Variants in DOCK10 observed in about 807,000 individuals in gnomAD.
DOCK10 encodes dedicator of cytokinesis 10.
DOCK10 carries 145 observed loss-of-function variants against 280.1 expected under a neutral mutation model. The observed-to-expected ratio is 0.52, with a 90% confidence interval of 0.45 to 0.59. The LOEUF is 0.59. Among genes scored for constraint, DOCK10 ranks in the 20% least tolerant of loss-of-function variants. The pLI is 0.00. For missense variants in DOCK10, 2,368 were observed against 2,651.7 expected (o/e 0.89, Z 2.35); for synonymous variants, 915 against 942.2 (o/e 0.97, Z 0.53).
rs115932844 is a variant in DOCK10, at chr2:224,992,313, C to T, written c.123+49939G>A. ...AGTTAAATCTAGTTTACAATAATCA[C>T]GAATTGCTTTCCAAACATGAAAATG... On this transcript the variant is annotated intron_variant, in intron 1 of 55. Coordinates refer to ENST00000258390, the MANE Select transcript of DOCK10 (RefSeq NM_014689.3). Among the ~76,000 whole-genome samples the T allele has an allele frequency of 2.2e-3, 342 of 152,276 alleles. 1 individual carries two copies. Among genetic ancestry groups the T allele is most frequent in the African/African-American group, 7.3e-3 (304 of 41,558 alleles).
At chr2:224,955,812 G>T (rs535099638) in intron 1 of DOCK10, among the ~76,000 whole-genome samples, 12 of 152,322 alleles carry the variant, frequency 7.9e-5, no homozygotes, top group African/African-American at 2.6e-4. Context: ...TAACCTCTGG[G>T]TATGTGTTCT....
intron 1 of DOCK10, among the ~76,000 whole-genome samples, chr2:225,013,544 A>C (rs781109753): frequency 4.6e-5 from 7 of 152,208 alleles, no homozygotes; most frequent in Non-Finnish European, 1.0e-4. Context: ...GATGTAGGTC[A>C]GATCACTCCA....
At chr2:224,838,353 G>A (rs1436317015) in intron 24 of DOCK10, among the ~76,000 whole-genome samples, 1 of 152,162 alleles carries the variant, frequency 6.6e-6, no homozygotes, top group South Asian at 2.1e-4. Flanking sequence ...CTGGGTTGGG[G>A]TTTCTAGCAG....
intron 1 of DOCK10, among the ~76,000 whole-genome samples, chr2:225,001,249 G>A (rs1706421525): frequency 6.6e-6 from 1 of 150,680 alleles, no homozygotes; most frequent in Non-Finnish European, 1.5e-5. Context: ...ACTTTGGTAA[G>A]TCATGAATGA....
intron 51 of DOCK10, among the ~76,000 whole-genome samples, chr2:224,777,011 T>C (rs538791025): frequency 3.1e-4 from 47 of 152,312 alleles, no homozygotes; most frequent in Admixed American, 9.1e-4. Flanking sequence ...CTTAGCCCCA[T>C]GTGAACTGTG....
chr2:224,866,998 G>A (rs1272352447), intron 11 of DOCK10, among the ~76,000 whole-genome samples: 3 of 151,706 alleles, frequency 2.0e-5, no homozygotes, highest in Non-Finnish European at 2.9e-5. Context: ...TACAAACCAC[G>A]ATCTGGGTGC....
At chr2:224,783,105 C>A (rs1394965507) in intron 50 of DOCK10, among the ~76,000 whole-genome samples, 3 of 152,138 alleles carry the variant, frequency 2.0e-5, no homozygotes, top group Non-Finnish European at 2.9e-5. Flanking sequence ...ATTTGAATCT[C>A]ATCTGAGCAA....
At chr2:224,984,128 A>C (rs925743082) in intron 1 of DOCK10, among the ~76,000 whole-genome samples, 1 of 151,402 alleles carries the variant, frequency 6.6e-6, no homozygotes, top group African/African-American at 2.4e-5. Context: ...CCCAGGACAT[A>C]TCTCTCTCCA....
In DOCK10 at chr2:224,933,342, C is replaced by T. The variant is rs190529395; in HGVS notation, c.124-1674G>A. 1.1e-3 allele frequency among the ~76,000 whole-genome samples: 163 copies of T among 152,268 alleles called. 1 individual carries two copies. Among genetic ancestry groups the T allele is most frequent in the African/African-American group, 3.5e-3 (147 of 41,544 alleles). On this transcript the variant is annotated intron_variant, in intron 1 of 55. Coordinates refer to ENST00000258390, the MANE Select transcript of DOCK10 (RefSeq NM_014689.3). ...ATTGACAGCTCAAAAGGCAAATGCA[C>T]GTTCCAGATGTTTGGTTTGCCACCC...
chr2:224,917,943 T>A (rs62186357), intron 2 of DOCK10, among the ~76,000 whole-genome samples: 35,118 of 151,936 alleles, frequency 0.23, 4,541 homozygotes, highest in Non-Finnish European at 0.28. Flanking sequence ...ATATTGCACA[T>A]CCCCCAAATC....
chr2:224,982,574 C>A (rs1705806713), intron 1 of DOCK10: 2 of 1,179,416 alleles, frequency 1.7e-6, no homozygotes, highest in Non-Finnish European at 2.1e-6. Flanking sequence ...TGAACACACT[C>A]AGGAATATTA....
chr2:224,990,369 T>C (rs584529), intron 1 of DOCK10, among the ~76,000 whole-genome samples: 96,355 of 152,040 alleles, frequency 0.63, 30,855 homozygotes, highest in Non-Finnish European at 0.63. Context: ...CCTGTTGAGC[T>C]GTTTATTAAC....
intron 1 of DOCK10, among the ~76,000 whole-genome samples, chr2:224,945,292 G>A (rs1575097776): frequency 6.6e-6 from 1 of 152,178 alleles, no homozygotes; most frequent in Non-Finnish European, 1.5e-5. Flanking sequence ...AGGCTCTTTT[G>A]GAGTCAGTAG....
intron 11 of DOCK10, among the ~76,000 whole-genome samples, chr2:224,866,515 G>T (rs571476532): frequency 6.6e-6 from 1 of 152,180 alleles, no homozygotes; most frequent in South Asian, 2.1e-4. Context: ...AATATGTTCT[G>T]AGATTACCCC....
At chr2:224,852,179 A>G (rs1696790631) in intron 18 of DOCK10, among the ~76,000 whole-genome samples, 198 bp downstream of exon 18, 1 of 152,222 alleles carries the variant, frequency 6.6e-6, no homozygotes, top group Non-Finnish European at 1.5e-5. Context: ...GTGAAAAGCT[A>G]AAAGAGCTAT....
At chr2:224,890,800 T>TG (rs1219314790) in intron 4 of DOCK10, among the ~76,000 whole-genome samples, 1 of 152,100 alleles carries the variant, frequency 6.6e-6, no homozygotes, top group Non-Finnish European at 1.5e-5. Flanking sequence ...GTTAACTCTT[T>TG]GGGGGTGATA....
At chr2:225,002,264 G>A (rs1220566033) in intron 1 of DOCK10, among the ~76,000 whole-genome samples, 1 of 152,206 alleles carries the variant, frequency 6.6e-6, no homozygotes, top group Non-Finnish European at 1.5e-5. Context: ...ATTGTGAGAA[G>A]AGGTCTGAAA....
Position 224,770,684 on chromosome 2 carries a change from T to C in DOCK10, c.6205-39A>G. 1 of 1,442,930 alleles carries C rather than the reference T, an allele frequency of 6.9e-7. No individual in the cohort carries two copies. Among genetic ancestry groups the C allele is most frequent in the Non-Finnish European group, 9.8e-7 (1 of 1,024,596 alleles). 89.4% of individuals were successfully genotyped at this position (1,442,930 alleles called of 1,614,324 possible). On this transcript the variant is annotated intron_variant, in intron 53 of 55. Transcript: ENST00000258390. This position sits in a 1 kb window ranked among gnomAD's most constrained non-coding sequence, Gnocchi z 4.5. ...AATTGGTGAAGGATGATCTACCTTCTGCATGGAGTCTTTTCCACCGCTGGA... is the reference window on the plus strand; with the variant it reads ...AATTGGTGAAGGATGATCTACCTTCCGCATGGAGTCTTTTCCACCGCTGGA...
intron 24 of DOCK10, among the ~76,000 whole-genome samples, chr2:224,839,188 C>G (rs1695788441): frequency 6.6e-6 from 1 of 152,020 alleles, no homozygotes. Context: ...ATGCCATTCT[C>G]CTGCCTCAGC....
Sources: allele counts gnomAD v4.1 joint callset (sites outside exome capture counted in the v4.1 genomes callset), GRCh38; gene constraint gnomAD v4.1.1; non-coding constraint Gnocchi (gnomAD v3.1); transcripts MANE v1.5; gene names NCBI Gene and HGNC (gene_info 2026-07-23, HGNC 2026-07-21).